Variants in ADGRV1 observed in about 807,000 individuals in gnomAD.
ADGRV1 encodes adhesion G protein-coupled receptor V1, also known as G-protein coupled receptor 98.
In ADGRV1, 359 loss-of-function variants were observed where a neutral mutation model predicts 596.2. That is an observed-to-expected ratio of 0.60 (90% CI 0.55 to 0.66). The LOEUF is 0.66. Among genes scored for constraint, ADGRV1 ranks in the 30% least tolerant of loss-of-function variants. The probability of loss-of-function intolerance (pLI) is 0.00; values close to 1 mark genes in which losing one functional copy is unlikely to be tolerated. For missense variants in ADGRV1, 7,274 were observed against 7,575.6 expected (o/e 0.96, Z 1.48); for synonymous variants, 2,681 against 2,679.2 (o/e 1.00, Z -0.02).
chr5:90,967,044 T>C (rs1359137845), intron 84 of ADGRV1, among the ~76,000 whole-genome samples: 2 of 152,132 alleles, frequency 1.3e-5, no homozygotes, highest in Non-Finnish European at 2.9e-5. Flanking sequence ...AGTGAGGTGG[T>C]GGTATTATGA....
chr5:91,094,235 G>C (rs1018969227), intron 86 of ADGRV1, among the ~76,000 whole-genome samples: 1 of 151,872 alleles, frequency 6.6e-6, no homozygotes, highest in South Asian at 2.1e-4. Flanking sequence ...TGAGGCGGGC[G>C]GATCACCGAA....
Position 90,708,775 on chromosome 5 carries a change from A to G in ADGRV1, c.8731-41A>G, listed in dbSNP as rs779890801. ...CAGTTTCTGAGGGTTAATTACTTTG[A>G]GAGTATAACTAAAGGAATTTAATGA... is the stretch of plus-strand genomic sequence containing the variant. On this transcript the variant is annotated intron_variant, in intron 38 of 89. Transcript: ENST00000405460. 1.6e-6 allele frequency: 2 copies of G among 1,253,676 alleles called. 1 individual carries two copies. The highest frequency in any genetic ancestry group is 3.8e-4 in the Middle Eastern group (2 of 5,324). The allele number at this position is 1,253,676 out of a possible 1,614,324, so 77.7% of individuals were successfully genotyped here. A position where few individuals can be genotyped will look rare whatever the true frequency, so the allele number is the denominator to read the frequency against.
chr5:90,605,932 A>G (rs1041658326), intron 1 of ADGRV1, among the ~76,000 whole-genome samples: 4 of 130,760 alleles, frequency 3.1e-5, no homozygotes, highest in African/African-American at 5.3e-5. Context: ...AAGGATGATG[A>G]AAAAAAAAGA....
At chr5:90,977,605 AATC>A (rs1259270322) in intron 84 of ADGRV1, among the ~76,000 whole-genome samples, 3 of 152,222 alleles carry the variant, frequency 2.0e-5, no homozygotes, top group African/African-American at 7.2e-5. Flanking sequence ...GAACATATGA[AATC>A]ATAACTATGG....
Position 90,653,311 on chromosome 5 carries a change from C to G in ADGRV1, c.3737C>G (p.Pro1246Arg). 6.2e-7 allele frequency: 1 copy of G among 1,613,846 alleles called. No individual in the cohort carries two copies. Among genetic ancestry groups the G allele is most frequent in the Non-Finnish European group, 8.5e-7 (1 of 1,179,870 alleles). The change falls in exon 20 of 90, where the codon CCA becomes CGA. Residue 1246 changes from proline to arginine, a missense_variant. Physicochemically the swap from Pro to Arg is moderately radical, Grantham distance 103. Transcript: ENST00000405460. ...CCCTTTGGAGTTTTTATCTTGGATC[C>G]AGAGTGTTTAGAGAGAGAAGTGGCA... ...DDPFGVFILD[P>R]ECLEREVAED...
rs761739963 is a variant in ADGRV1, at chr5:90,763,369, G to A, written c.12185G>A (p.Arg4062Gln). 6.2e-6 allele frequency: 10 copies of A among 1,611,736 alleles called. No individual in the cohort carries two copies. The highest frequency in any genetic ancestry group is 1.3e-5 in the African/African-American group (1 of 74,688). Reference protein sequence around the residue: ...PDSYVTLTVVRSPGGKGTVRL... With the variant: ...PDSYVTLTVVQSPGGKGTVRL... ...TCATATGTGACATTGACGGTTGTCC[G>A]GTCCCCAGGAGGAAAAGGAACCGTC... Residue 4062 changes from arginine to glutamine, a missense_variant, in exon 59 of 90, where the codon CGG becomes CAG. Transcript: ENST00000405460.
chr5:90,850,579 CT>C (rs1284503861), intron 79 of ADGRV1: 1 of 152,136 alleles, frequency 6.6e-6, no homozygotes, highest in Non-Finnish European at 1.5e-5. Context: ...TTGTTTTCCC[CT>C]GTTGAACTAT....
At chr5:90,643,693 T>C in intron 13 of ADGRV1, 110 bp from the exon 14 acceptor site, 1 of 791,584 alleles carries the variant, frequency 1.3e-6, no homozygotes, top group Non-Finnish European at 2.0e-6. Flanking sequence ...TTCAGTGAGT[T>C]ATATGCTTCT....
rs1256129390 is a variant in ADGRV1, at chr5:90,757,304, T to C, written c.11940+143T>C. The C allele has an allele frequency of 7.8e-6, 5 of 641,278 alleles. No individual in the cohort carries two copies. In the Admixed American group the frequency reaches 1.2e-4, roughly 15 times the overall value. The allele number at this position is 641,278 out of a possible 1,614,324, so 39.7% of individuals were successfully genotyped here. On this transcript the variant is annotated intron_variant, in intron 57 of 89. Transcript: ENST00000405460. ...TGTTAAGTCAAACAAATATTATTAA[T>C]TGAAATACAATTTATTAATGGGCAT...
At chr5:90,817,999 T>C (rs1763079093) in intron 75 of ADGRV1, among the ~76,000 whole-genome samples, 4 of 152,150 alleles carry the variant, frequency 2.6e-5, no homozygotes, top group Admixed American at 6.6e-5. Context: ...GTAAATTACC[T>C]TGGGCACTAT....
intron 77 of ADGRV1, 37 bp downstream of exon 77, chr5:90,829,223 T>C: frequency 7.2e-7 from 1 of 1,381,692 alleles, no homozygotes; most frequent in East Asian, 2.4e-5. Context: ...CACGTTATGG[T>C]TTTCTTCTTT....
chr5:90,704,553 A>C, intron 36 of ADGRV1, 65 bp downstream of exon 36: 1 of 972,182 alleles, frequency 1.0e-6, no homozygotes. Context: ...GAAAATTGTT[A>C]TCTCTGTATT....
intron 18 of ADGRV1, 38 bp downstream of exon 18, chr5:90,651,768 G>T: frequency 7.6e-7 from 1 of 1,315,486 alleles, no homozygotes; most frequent in South Asian, 1.3e-5. Flanking sequence ...AAAATTGGGT[G>T]AAATAAAACC....
At chr5:90,570,899 G>A (rs773271854) in intron 1 of ADGRV1, among the ~76,000 whole-genome samples, 33 of 151,634 alleles carry the variant, frequency 2.2e-4, no homozygotes, top group Non-Finnish European at 4.1e-4. Flanking sequence ...CAAAGTCTTT[G>A]TCTAGTAAGT....
rs1754474443 is a variant in ADGRV1, at chr5:90,745,207, G to T, written c.10711G>T (p.Ala3571Ser). The change falls in exon 51 of 90, where the codon GCT (alanine) becomes TCT (serine). Residue 3571 changes from alanine to serine, a missense_variant. By Grantham distance (99) the Ala-to-Ser change is moderately conservative. Around this residue, in one of 5 missense-constraint regions of ADGRV1, gnomAD observed 3,643 missense variants for 3,809.2 expected, o/e 0.96. Transcript: ENST00000405460. ...SSKNLIALVG[A>S]HSHIYELAYI... ...CAAGAATTTAATAGCTCTAGTGGGA[G>T]CTCATTCACATATATATGAGCTAGC... 1 of 1,611,840 alleles carries T rather than the reference G, an allele frequency of 6.2e-7. No homozygotes were observed.
At chr5:90,616,930 C>T (rs1403441604) in intron 2 of ADGRV1, among the ~76,000 whole-genome samples, 1 of 152,202 alleles carries the variant, frequency 6.6e-6, no homozygotes, top group African/African-American at 2.4e-5. Flanking sequence ...CCATTCTACT[C>T]TCTACCTCCA....
intron 13 of ADGRV1, among the ~76,000 whole-genome samples, chr5:90,643,579 G>A (rs535010006): frequency 1.3e-5 from 2 of 152,108 alleles, no homozygotes; most frequent in African/African-American, 4.8e-5. Context: ...TAGTATCATT[G>A]TTTCTCTTTT....
At chr5:91,096,538 C>G (rs1307856007) in intron 86 of ADGRV1, among the ~76,000 whole-genome samples, 1 of 152,138 alleles carries the variant, frequency 6.6e-6, no homozygotes, top group East Asian at 1.9e-4. Flanking sequence ...ATTTCTTTCA[C>G]TAAAACCTTT....
At position 90,693,137 on chromosome 5, in the gene ADGRV1, G is replaced by GT. The variant is rs138813234; in HGVS notation, c.7133+361dup. Reference sequence around the variant, plus strand: ...TATGAAGGAGCTGATTTCCAGGTCTGTTTTTTTTTTCTTTTTTTGTGAGGC... The same window carrying GT: ...TATGAAGGAGCTGATTTCCAGGTCTGTTTTTTTTTTTCTTTTTTTGTGAGGC... On this transcript the variant is annotated intron_variant, in intron 32 of 89. Coordinates refer to ENST00000405460, the MANE Select transcript of ADGRV1 (RefSeq NM_032119.4). Among the ~76,000 whole-genome samples, 559 of 131,808 alleles carry GT rather than the reference G, an allele frequency of 4.2e-3. 7 individuals carry two copies. The highest frequency in any genetic ancestry group is 0.018 in the Admixed American group (232 of 13,152). 86.5% of individuals were successfully genotyped at this position (131,808 alleles called of 152,430 possible).
Sources: gnomAD v4.1 joint callset for allele counts (sites outside exome capture counted in the v4.1 genomes callset) on GRCh38, gnomAD v4.1.1 for gene constraint, gnomAD v4.1.1 regional missense constraint, MANE v1.5 for transcripts, NCBI Gene and HGNC (gene_info 2026-07-23, HGNC 2026-07-21) for gene names.